TBC1D22A: variants seen among roughly 807,000 people sequenced by gnomAD.
The protein encoded by TBC1D22A is putative GTPase activator.
Under a neutral mutation model 60.2 loss-of-function variants are expected in TBC1D22A, and 38 were observed. The observed-to-expected ratio is 0.63, with a 90% CI of 0.49 to 0.83. TBC1D22A has a LOEUF of 0.83. Ranked by LOEUF, TBC1D22A falls within the 40% of genes least tolerant of loss-of-function variation. The pLI is 0.00. For missense variants in TBC1D22A, 628 were observed against 701.0 expected, an observed-to-expected ratio of 0.90 and a Z score of 1.18; for synonymous variants, 302 against 281.7, an observed-to-expected ratio of 1.07 and a Z score of -0.72.
chr22:47,151,315 G>A (rs929692078), intron 12 of TBC1D22A, among the ~76,000 whole-genome samples: 2 of 152,322 alleles, frequency 1.3e-5, no homozygotes, highest in East Asian at 1.9e-4. Flanking sequence ...GCGCACTCAC[G>A]CAGAACCGAC....
At chr22:47,157,568 G>A (rs764962933) in intron 12 of TBC1D22A, among the ~76,000 whole-genome samples, 6 of 152,212 alleles carry the variant, frequency 3.9e-5, no homozygotes, top group East Asian at 3.9e-4. Context: ...CGGCGGGTGC[G>A]CTGTGGTGGC....
intron 11 of TBC1D22A, among the ~76,000 whole-genome samples, chr22:47,093,017 C>G (rs565070126): frequency 6.6e-6 from 1 of 152,142 alleles, no homozygotes; most frequent in East Asian, 1.9e-4. Context: ...GGAGGAGCAT[C>G]GAGGGTGGCT....
At position 46,777,433 on chromosome 22, in the gene TBC1D22A, C is replaced by T. The variant is rs549003937; in HGVS notation, c.62+14585C>T. Among the ~76,000 whole-genome samples the T allele has an allele frequency of 3.9e-5, 6 of 152,122 alleles. No individual in the cohort carries two copies. Among genetic ancestry groups the T allele is most frequent in the East Asian group, 3.9e-4 (2 of 5,172 alleles). ...GCACAGCTGATTTTTTGGGGGAACC[C>T]GTTGACGTGAGGTGGTGGATTCGTG... On this transcript the variant is annotated intron_variant, in intron 1 of 12. Transcript: ENST00000337137. The surrounding 1 kb of genome is among the most constrained non-coding windows in gnomAD (Gnocchi z 4.5).
At chr22:47,017,172 C>T (rs985512511) in intron 10 of TBC1D22A, among the ~76,000 whole-genome samples, 2 of 152,132 alleles carry the variant, frequency 1.3e-5, no homozygotes, top group Non-Finnish European at 2.9e-5. Context: ...AAGCTTGGTG[C>T]GGGAGACCTT....
intron 8 of TBC1D22A, among the ~76,000 whole-genome samples, chr22:46,958,587 C>G (rs950551619): frequency 6.6e-6 from 1 of 152,208 alleles, no homozygotes. Flanking sequence ...AGCCAGCCTC[C>G]GTGTCTACTT....
intron 8 of TBC1D22A, among the ~76,000 whole-genome samples, chr22:46,941,413 TACGGAATATAC>T (rs753111120): frequency 0.052 from 4,103 of 79,128 alleles, 567 homozygotes; most frequent in African/African-American, 0.057. Context: ...AGAATATATA[TACGGAATATAC>T]ACGGAATATA....
rs141767678 is a variant in TBC1D22A at position 47,074,291 on chromosome 22, C to A, written c.1329+37093C>A. 8.1e-4 allele frequency among the ~76,000 whole-genome samples: 124 copies of A among 152,318 alleles called. 1 individual carries two copies. The highest frequency in any genetic ancestry group is 2.8e-3 in the African/African-American group (118 of 41,564). ...GACCGATGGAGCTGCTAGCTGAGATCGCCCACATTGGCCTCTGCAGACTCC... is the reference window on the plus strand; with the variant it reads ...GACCGATGGAGCTGCTAGCTGAGATAGCCCACATTGGCCTCTGCAGACTCC... On this transcript the variant is annotated intron_variant, in intron 11 of 12. Transcript: ENST00000337137.
chr22:47,153,485 G>C (rs1264952032), intron 12 of TBC1D22A, among the ~76,000 whole-genome samples: 1 of 152,098 alleles, frequency 6.6e-6, no homozygotes, highest in Non-Finnish European at 1.5e-5. Flanking sequence ...AGAGGCTGCA[G>C]GCAGAAAGGC....
At chr22:46,924,073 A>G (rs1263817853) in intron 8 of TBC1D22A, among the ~76,000 whole-genome samples, 1 of 152,254 alleles carries the variant, frequency 6.6e-6, no homozygotes, top group Non-Finnish European at 1.5e-5. Context: ...CCACAGTTTA[A>G]GCAGACAATT....
At chr22:47,117,594 C>T (rs2066115090) in intron 12 of TBC1D22A, among the ~76,000 whole-genome samples, 2 of 151,912 alleles carry the variant, frequency 1.3e-5, no homozygotes, top group South Asian at 4.2e-4. Context: ...TCACCCCACA[C>T]CTTGGCCTTC....
Position 47,141,885 on chromosome 22 carries a change from G to C in TBC1D22A, c.1425+30282G>C, listed in dbSNP as rs756345120. Among the ~76,000 whole-genome samples, 48 of 152,214 alleles carry C rather than the reference G, an allele frequency of 3.2e-4. 1 individual carries two copies. Among genetic ancestry groups the C allele is most frequent in the Non-Finnish European group, 6.0e-4 (41 of 68,034 alleles). ...ATAGAACTTAGCTGGATAATATTCT[G>C]AGTTGTGGCTGGAATTTCTGTTCTA... On this transcript the variant is annotated intron_variant, in intron 12 of 12. Transcript: ENST00000337137.
chr22:46,797,603 GC>G lies in TBC1D22A; in HGVS notation c.624del (p.Asn209ThrfsTer10). 6.2e-7 allele frequency: 1 copy of G among 1,608,064 alleles called. No individual in the cohort carries two copies. The highest frequency in any genetic ancestry group is 8.5e-7 in the Non-Finnish European group (1 of 1,176,006). On this transcript the variant is annotated frameshift_variant, in exon 4 of 13. Transcript: ENST00000337137. LOFTEE classifies it high-confidence loss of function. ...RLDKFKQLLA[G>X]PNTDLEELRR... ...GACAAGTTCAAGCAGCTGCTTGCCG[GC>G]CCCAACACGGACCTTGGTAAGCACC...
intron 4 of TBC1D22A, among the ~76,000 whole-genome samples, chr22:46,816,308 G>A (rs2085599121): frequency 6.6e-6 from 1 of 152,214 alleles, no homozygotes; most frequent in African/African-American, 2.4e-5. Flanking sequence ...TTGGTGCCGG[G>A]CCTGGCTCAG....
intron 6 of TBC1D22A, 25 bp from the exon 7 acceptor site, chr22:46,894,759 A>G (rs1233857381): frequency 1.2e-6 from 2 of 1,613,842 alleles, no homozygotes; most frequent in Admixed American, 1.7e-5. Context: ...CGTAACATAA[A>G]TGTCCGTTTC....
chr22:47,047,633 C>T (rs1569384474), intron 11 of TBC1D22A, among the ~76,000 whole-genome samples: 2 of 152,208 alleles, frequency 1.3e-5, no homozygotes, highest in African/African-American at 4.8e-5. Context: ...GTTGGCCCCA[C>T]CAGTGATGGT....
In TBC1D22A at chr22:46,985,778, C is replaced by A. The variant is rs79539292; in HGVS notation, c.1125+11379C>A. ...GTTCTGGCTGTTCCACGTCAGAATG[C>A]GATTTCTCCAACACTGCGTTCCCCA... is the stretch of plus-strand genomic sequence containing the variant. On this transcript the variant is annotated intron_variant, in intron 9 of 12. Coordinates refer to ENST00000337137, the MANE Select transcript of TBC1D22A (RefSeq NM_014346.5). 3.1e-3 allele frequency among the ~76,000 whole-genome samples: 479 copies of A among 152,256 alleles called. 1 individual carries two copies. Among genetic ancestry groups the A allele is most frequent in the African/African-American group, 0.011 (451 of 41,544 alleles).
chr22:46,909,880 G>A (rs1265457819), intron 7 of TBC1D22A, among the ~76,000 whole-genome samples: 2 of 152,322 alleles, frequency 1.3e-5, no homozygotes, highest in South Asian at 2.1e-4. Context: ...CTGGGGCTGC[G>A]CGTTGGTGAC....
intron 1 of TBC1D22A, among the ~76,000 whole-genome samples, chr22:46,779,666 C>T (rs1356646157): frequency 6.6e-6 from 1 of 152,210 alleles, no homozygotes; most frequent in Non-Finnish European, 1.5e-5. Flanking sequence ...AATGCTGTTT[C>T]CAAGACCTAT....
intron 1 of TBC1D22A, among the ~76,000 whole-genome samples, chr22:46,785,075 C>T: frequency 6.6e-6 from 1 of 152,158 alleles, no homozygotes; most frequent in East Asian, 1.9e-4. Flanking sequence ...TATCTTTTTC[C>T]CACCCCCTGG....
Sources: allele counts gnomAD v4.1 joint callset (sites outside exome capture counted in the v4.1 genomes callset), GRCh38; gene constraint gnomAD v4.1.1; non-coding constraint Gnocchi (gnomAD v3.1); transcripts MANE v1.5; gene names NCBI Gene and HGNC (gene_info 2026-07-23, HGNC 2026-07-21).